SIKE1: variants seen among roughly 807,000 people sequenced by gnomAD.
SIKE1 encodes suppressor of IKBKE 1.
In SIKE1, 13 loss-of-function variants were observed where a neutral mutation model predicts 25.8. The ratio of observed to expected loss-of-function variants is 0.50; its 90% confidence interval spans 0.33 to 0.80. SIKE1 has a LOEUF of 0.80. SIKE1 is among the 30% of genes least tolerant of loss of function. The pLI is 0.02. For synonymous variants in SIKE1, 86 were observed against 95.5 expected, an observed-to-expected ratio of 0.90 and a Z score of 0.58; for missense variants, 222 against 252.4, an observed-to-expected ratio of 0.88 and a Z score of 0.82.
In SIKE1 at chr1:114,770,431, C is replaced by G. The variant is rs574535798; in HGVS notation, c.*3840G>C. ...ATAAAAAAATAGAATTAGAGGTTATCGCTAACTAAATCACTTTTGCTGTAC... is the reference window on the plus strand; with the variant it reads ...ATAAAAAAATAGAATTAGAGGTTATGGCTAACTAAATCACTTTTGCTGTAC... On this transcript the variant is annotated 3_prime_UTR_variant, in exon 5 of 5. Transcript: ENST00000060969. 2.6e-5 allele frequency: 4 copies of G among 152,158 alleles called. No homozygotes were observed. The highest frequency in any genetic ancestry group is 9.7e-5 in the African/African-American group (4 of 41,424). The allele number at this position is 152,158 out of a possible 1,614,324, so 9.4% of individuals were successfully genotyped here.
intron 3 of SIKE1, among the ~76,000 whole-genome samples, chr1:114,777,824 GA>G (rs374752798): frequency 4.7e-5 from 7 of 149,234 alleles, no homozygotes; most frequent in African/African-American, 1.2e-4. Context: ...ATTTGAAATG[GA>G]AAAAAAAAAT....
chr1:114,773,324 G>A lies in SIKE1; in HGVS notation c.*947C>T, dbSNP rs1662120740. On this transcript the variant is annotated 3_prime_UTR_variant, in exon 5 of 5. Coordinates refer to ENST00000060969, the MANE Select transcript of SIKE1 (RefSeq NM_025073.3). Reference sequence around the variant, plus strand: ...AGATAAAAAAAAACCCTGCTTCTATGTAAACAAAAAAAAAGAAAGCCAACT... The same window carrying A: ...AGATAAAAAAAAACCCTGCTTCTATATAAACAAAAAAAAAGAAAGCCAACT... The A allele has an allele frequency of 6.6e-6, 1 of 151,464 alleles. No individual in the cohort carries two copies. The allele number at this position is 151,464 out of a possible 1,614,324, so 9.4% of individuals were successfully genotyped here. A position where few individuals can be genotyped will look rare whatever the true frequency, so the allele number is the denominator to read the frequency against.
chr1:114,779,772 A>G (rs1299689696), intron 2 of SIKE1, among the ~76,000 whole-genome samples: 2 of 152,352 alleles, frequency 1.3e-5, no homozygotes, highest in South Asian at 2.1e-4. Context: ...AACATAAACA[A>G]AACCTTAAAT....
chr1:114,776,769 T>C (rs567900992), intron 3 of SIKE1, among the ~76,000 whole-genome samples: 40 of 152,250 alleles, frequency 2.6e-4, no homozygotes, highest in African/African-American at 9.4e-4. Context: ...ACCCAAAGGA[T>C]TGTAAATCAT....
chr1:114,780,335 A>G, intron 1 of SIKE1, 114 bp downstream of exon 1: 1 of 1,596,666 alleles, frequency 6.3e-7, no homozygotes. Context: ...AAATGGTCTC[A>G]CCGCCGCCCT....
At position 114,780,133 on chromosome 1, in the gene SIKE1, CTA is replaced by C. The variant is rs1662359575; in HGVS notation, c.240_241del (p.Ile80MetfsTer39). 6.2e-7 allele frequency: 1 copy of C among 1,613,662 alleles called. No homozygotes were observed. Among genetic ancestry groups the C allele is most frequent in the East Asian group, 2.2e-5 (1 of 44,890 alleles). On this transcript the variant is annotated frameshift_variant, in exon 2 of 5. Coordinates refer to ENST00000060969, the MANE Select transcript of SIKE1 (RefSeq NM_025073.3). LOFTEE classifies it high-confidence loss of function. ...ACCTCTGTTTTCCTGTTGCAAGTCTCTAATCTGTGTGTTCTCTTGGGACAGCA... is the reference window on the plus strand; with the variant it reads ...ACCTCTGTTTTCCTGTTGCAAGTCTCATCTGTGTGTTCTCTTGGGACAGCA...
chr1:114,778,666 G>A (rs1408976180), intron 3 of SIKE1, among the ~76,000 whole-genome samples: 4 of 152,064 alleles, frequency 2.6e-5, no homozygotes, highest in Admixed American at 6.5e-5. Context: ...TCTTTACAAA[G>A]CCATGGCAAA....
chr1:114,780,426 T>C (rs748097651), intron 1 of SIKE1, 23 bp downstream of exon 1: 2 of 1,609,828 alleles, frequency 1.2e-6, no homozygotes, highest in Non-Finnish European at 1.7e-6. Context: ...CCGAGAGCAC[T>C]GGACTCCTAC....
intron 3 of SIKE1, 110 bp downstream of exon 3, chr1:114,779,032 G>T: frequency 1.5e-6 from 2 of 1,341,288 alleles, no homozygotes; most frequent in African/African-American, 1.4e-5. Flanking sequence ...ACCACGGCCT[G>T]GTCGACAAGA....
Position 114,771,204 on chromosome 1 carries a change from A to G in SIKE1, c.*3067T>C, listed in dbSNP as rs1319330735. 6.6e-6 allele frequency: 1 copy of G among 152,260 alleles called. No individual in the cohort carries two copies. Among genetic ancestry groups the G allele is most frequent in the East Asian group, 1.9e-4 (1 of 5,206 alleles). 9.4% of individuals were successfully genotyped at this position (152,260 alleles called of 1,614,324 possible). ...CTGTATATAGTAAGAGTCACTGATT[A>G]AACATTATTCCTTTCAGTTGAATCA... is the stretch of plus-strand genomic sequence containing the variant. On this transcript the variant is annotated 3_prime_UTR_variant, in exon 5 of 5. Transcript: ENST00000060969.
At chr1:114,776,981 C>T (rs913014022) in intron 3 of SIKE1, among the ~76,000 whole-genome samples, 1 of 152,182 alleles carries the variant, frequency 6.6e-6, no homozygotes, top group Non-Finnish European at 1.5e-5. Flanking sequence ...AACCATCATT[C>T]TGAGCAAACT....
intron 4 of SIKE1, among the ~76,000 whole-genome samples, chr1:114,774,947 C>A (rs1351076490): frequency 2.0e-5 from 3 of 152,100 alleles, no homozygotes; most frequent in Non-Finnish European, 4.4e-5. Context: ...CACAAAATTC[C>A]TAAAAGTTGT....
chr1:114,771,995 C>T lies in SIKE1; in HGVS notation c.*2276G>A, dbSNP rs1319556564. Reference sequence around the variant, plus strand: ...CATTTTGAAGAACACTAAAATAGACCTTCAATGTTTGAATCCAATTATGCA... The same window carrying T: ...CATTTTGAAGAACACTAAAATAGACTTTCAATGTTTGAATCCAATTATGCA... On this transcript the variant is annotated 3_prime_UTR_variant, in exon 5 of 5. Transcript: ENST00000060969. 1 of 152,002 alleles carries T rather than the reference C, an allele frequency of 6.6e-6. No homozygotes were observed. The highest frequency in any genetic ancestry group is 1.5e-5 in the Non-Finnish European group (1 of 67,978). 9.4% of individuals were successfully genotyped at this position (152,002 alleles called of 1,614,324 possible). A position where few individuals can be genotyped will look rare whatever the true frequency, so the allele number is the denominator to read the frequency against.
In SIKE1 at chr1:114,780,214, T is replaced by C. The variant is rs1198007713; in HGVS notation, c.161A>G (p.Tyr54Cys). 1 of 1,609,752 alleles carries C rather than the reference T, an allele frequency of 6.2e-7. No homozygotes were observed. The highest frequency in any genetic ancestry group is 1.7e-5 in the Admixed American group (1 of 59,400). ...REAGTALPDQ[Y>C]QEDASDMKDM... ...CTTCATATCGGATGCATCCTCTTGA[T>C]ACTGGACAAATAGAGACAGACTAAG... Residue 54 changes from tyrosine to cysteine, a missense_variant and splice_region_variant, in exon 2 of 5, where the codon TAT (tyrosine) becomes TGT (cysteine). By Grantham distance (194) the Tyr-to-Cys change is radical. Transcript: ENST00000060969.
chr1:114,775,607 G>C (rs3933224), intron 4 of SIKE1, among the ~76,000 whole-genome samples: 3 of 151,014 alleles, frequency 2.0e-5, no homozygotes, highest in Non-Finnish European at 4.4e-5. Context: ...CCCAGGTTCA[G>C]GTGATCCTCA....
At chr1:114,777,907 C>G (rs1166705600) in intron 3 of SIKE1, among the ~76,000 whole-genome samples, 1 of 152,114 alleles carries the variant, frequency 6.6e-6, no homozygotes, top group East Asian at 1.9e-4. Flanking sequence ...AATTTGAATA[C>G]TTTTACTGGC....
chr1:114,771,758 C>G lies in SIKE1; in HGVS notation c.*2513G>C, dbSNP rs1234545164. The G allele has an allele frequency of 1.3e-5, 2 of 152,084 alleles. No individual in the cohort carries two copies. The highest frequency in any genetic ancestry group is 4.8e-5 in the African/African-American group (2 of 41,418). The allele number at this position is 152,084 out of a possible 1,614,324, so 9.4% of individuals were successfully genotyped here. ...TTTATATATATACTTGTCTCCTGTA[C>G]CAGACTTTTTCATTTTTAAATTCAT... On this transcript the variant is annotated 3_prime_UTR_variant, in exon 5 of 5. Transcript: ENST00000060969.
In SIKE1 at chr1:114,770,592, A is replaced by G. The variant is rs1473465135; in HGVS notation, c.*3679T>C. 6.6e-6 allele frequency: 1 copy of G among 152,170 alleles called. No individual in the cohort carries two copies. Among genetic ancestry groups the G allele is most frequent in the Non-Finnish European group, 1.5e-5 (1 of 68,024 alleles). 9.4% of individuals were successfully genotyped at this position (152,170 alleles called of 1,614,324 possible). On this transcript the variant is annotated 3_prime_UTR_variant, in exon 5 of 5. Coordinates refer to ENST00000060969, the MANE Select transcript of SIKE1 (RefSeq NM_025073.3). ...CCTTAGCTGCAAAAGGAGGCTGAGA[A>G]AACATTACCTGGTACTTTCAAATTC... is the stretch of plus-strand genomic sequence containing the variant.
intron 4 of SIKE1, among the ~76,000 whole-genome samples, chr1:114,774,711 T>C (rs966141324): frequency 6.6e-6 from 1 of 152,236 alleles, no homozygotes; most frequent in Admixed American, 6.5e-5. Context: ...AGTTTTACTA[T>C]TATTTCTTTT....
Sources: gnomAD v4.1 joint callset for allele counts (sites outside exome capture counted in the v4.1 genomes callset) on GRCh38, gnomAD v4.1.1 for gene constraint, MANE v1.5 for transcripts, NCBI Gene and HGNC (gene_info 2026-07-23, HGNC 2026-07-21) for gene names.